WNT7A: variants seen among roughly 807,000 people sequenced by gnomAD.
WNT7A encodes the protein protein Wnt-7a.
WNT7A carries 16 observed loss-of-function variants against 28.2 expected under a neutral mutation model. The ratio of observed to expected loss-of-function variants is 0.57; its 90% confidence interval spans 0.38 to 0.86. The LOEUF (loss-of-function observed/expected upper bound fraction) is 0.86. WNT7A is among the 40% of genes least tolerant of loss of function. The pLI is 0.00. For synonymous variants in WNT7A, 190 were observed against 195.9 expected, an observed-to-expected ratio of 0.97 and a Z score of 0.25; for missense variants, 411 against 489.7, an observed-to-expected ratio of 0.84 and a Z score of 1.52.
chr3:13,846,294 G>A (rs1201554376), intron 3 of WNT7A, among the ~76,000 whole-genome samples: 1 of 152,214 alleles, frequency 6.6e-6, no homozygotes, highest in Non-Finnish European at 1.5e-5. Flanking sequence ...TTAACATCTT[G>A]GAATCACAGG....
In WNT7A at chr3:13,833,359, C is replaced by T. The variant is rs531433782; in HGVS notation, c.571-13936G>A. Among the ~76,000 whole-genome samples, 7 of 152,292 alleles carry T rather than the reference C, an allele frequency of 4.6e-5. No individual in the cohort carries two copies. The East Asian group carries it at 1.2e-3, about 25-fold the overall frequency. On this transcript the variant is annotated intron_variant, in intron 3 of 3. Coordinates refer to ENST00000285018, the MANE Select transcript of WNT7A (RefSeq NM_004625.4). ...CACACAGTCCTGCCCACATACTTCC[C>T]GGCACACAAGCGCACACACACACAC...
chr3:13,818,703 G>C lies in WNT7A; in HGVS notation c.*241C>G. On this transcript the variant is annotated 3_prime_UTR_variant, in exon 4 of 4. Transcript: ENST00000285018. ...TCCTGCTGCAGAAGGCTTCGCTCCA[G>C]CCGCGGAGGGACCTGGGCTGTGTCT... 1 of 446,906 alleles carries C rather than the reference G, an allele frequency of 2.2e-6. No homozygotes were observed. Among genetic ancestry groups the C allele is most frequent in the Non-Finnish European group, 3.7e-6 (1 of 267,934 alleles). The allele number at this position is 446,906 out of a possible 1,614,324, so 27.7% of individuals were successfully genotyped here.
chr3:13,853,906 G>C (rs1694682145), intron 3 of WNT7A, among the ~76,000 whole-genome samples: 1 of 152,196 alleles, frequency 6.6e-6, no homozygotes, highest in South Asian at 2.1e-4. Flanking sequence ...GAGGGAGCCT[G>C]GGACCTGGGA....
In WNT7A at chr3:13,861,214, A is replaced by G. The variant is rs532138643; in HGVS notation, c.299-6411T>C. ...TGAGTGAACCCTGGGCTTGGCCACC[A>G]TGGCCTGTGTGCCCTCCAGGATCAG... On this transcript the variant is annotated intron_variant, in intron 2 of 3. Transcript: ENST00000285018. Among the ~76,000 whole-genome samples the G allele has an allele frequency of 3.3e-5, 5 of 152,328 alleles. No individual in the cohort carries two copies. The South Asian group carries it at 1.0e-3, about 32-fold the overall frequency.
At chr3:13,819,445 A>G in intron 3 of WNT7A, 22 bp from the exon 4 acceptor site, 1 of 1,608,744 alleles carries the variant, frequency 6.2e-7, no homozygotes, top group Non-Finnish European at 8.5e-7. Context: ...GGCGGGGAAG[A>G]GCACAGCACA....
intron 2 of WNT7A, among the ~76,000 whole-genome samples, chr3:13,856,893 A>AAAGAAGAAGAAGAAGAAGAAGAAGAAG (rs775537679): frequency 1.4e-5 from 1 of 73,290 alleles, no homozygotes. Context: ...AGAAGAAGAA[A>AAAGAAGAAGAAGAAGAAGAAGAAGAAG]AAGAAGAAGA....
chr3:13,854,419 C>T (rs1301171543), intron 3 of WNT7A, 113 bp downstream of exon 3: 8 of 1,560,478 alleles, frequency 5.1e-6, no homozygotes, highest in Non-Finnish European at 7.0e-6. Flanking sequence ...CAGAATGAGG[C>T]TGAGGGCAGA....
intron 3 of WNT7A, among the ~76,000 whole-genome samples, chr3:13,824,140 A>G (rs545478576): frequency 6.6e-6 from 1 of 152,328 alleles, no homozygotes; most frequent in South Asian, 2.1e-4. Flanking sequence ...AAAGTGTACA[A>G]TTCAATGGTT....
At chr3:13,856,975 A>AAGAAGGAGAAGG (rs1174632547) in intron 2 of WNT7A, among the ~76,000 whole-genome samples, 6,056 of 94,736 alleles carry the variant, frequency 0.064, 346 homozygotes, top group Middle Eastern at 0.1. Context: ...GAAGGAGAAG[A>AAGAAGGAGAAGG]AGAAGAAGAA....
intron 2 of WNT7A, among the ~76,000 whole-genome samples, chr3:13,870,796 C>T (rs979344747): frequency 5.9e-5 from 9 of 152,194 alleles, no homozygotes; most frequent in East Asian, 1.9e-4. Flanking sequence ...CTGGGGTTGC[C>T]GGATGCCAAC....
chr3:13,838,692 A>G (rs1694408520), intron 3 of WNT7A, among the ~76,000 whole-genome samples: 1 of 152,198 alleles, frequency 6.6e-6, no homozygotes, highest in Non-Finnish European at 1.5e-5. Flanking sequence ...AAGAATGCCA[A>G]CTGGCTTAGG....
chr3:13,870,708 C>A (rs1695015106), intron 2 of WNT7A, among the ~76,000 whole-genome samples: 1 of 152,240 alleles, frequency 6.6e-6, no homozygotes, highest in African/African-American at 2.4e-5. Flanking sequence ...AAGGCCAATG[C>A]TCTTTCTGGG....
chr3:13,848,466 G>A (rs1694575598), intron 3 of WNT7A, among the ~76,000 whole-genome samples: 1 of 152,178 alleles, frequency 6.6e-6, no homozygotes, highest in African/African-American at 2.4e-5. Flanking sequence ...TGGCAAATAA[G>A]CATATGAAAA....
intron 3 of WNT7A, among the ~76,000 whole-genome samples, chr3:13,844,842 T>C (rs957968582): frequency 1.3e-5 from 2 of 152,000 alleles, no homozygotes; most frequent in Non-Finnish European, 2.9e-5. Context: ...GAACACCTAG[T>C]TTCTCCTTCC....
chr3:13,849,174 T>C (rs1694589436), intron 3 of WNT7A, among the ~76,000 whole-genome samples: 1 of 152,198 alleles, frequency 6.6e-6, no homozygotes, highest in African/African-American at 2.4e-5. Flanking sequence ...ATCAGCATCC[T>C]AGTTGTGACC....
At chr3:13,873,953 AGG>A (rs770443768) in intron 2 of WNT7A, among the ~76,000 whole-genome samples, 5 of 152,318 alleles carry the variant, frequency 3.3e-5, no homozygotes, top group Non-Finnish European at 5.9e-5. Context: ...AAGCCTCCAG[AGG>A]GGTTTAAGCA....
intron 3 of WNT7A, among the ~76,000 whole-genome samples, chr3:13,829,552 G>A (rs928195212): frequency 6.6e-5 from 10 of 152,198 alleles, no homozygotes; most frequent in African/African-American, 2.4e-4. Flanking sequence ...GGAGAGCGGC[G>A]CTGTGGGGCG....
rs111289053 is a variant in WNT7A, at chr3:13,836,873, A to G, written c.571-17450T>C. Among the ~76,000 whole-genome samples the G allele has an allele frequency of 7.0e-3, 1,063 of 152,216 alleles. 10 individuals are homozygous for G. The highest frequency in any genetic ancestry group is 0.024 in the African/African-American group (990 of 41,524). On this transcript the variant is annotated intron_variant, in intron 3 of 3. Transcript: ENST00000285018. The stretch of plus-strand genomic sequence containing the variant: ...GCCCTGGGGCTGGAAAAACCAAGGG[A>G]GCGGGTGTGGGTGCAGAAGAGAAGC...
intron 1 of WNT7A, among the ~76,000 whole-genome samples, chr3:13,877,690 A>G (rs1695130329): frequency 6.9e-6 from 1 of 145,546 alleles, no homozygotes; most frequent in South Asian, 2.1e-4. Context: ...ATTGATAACT[A>G]GTCCCCACCT....
Sources: gnomAD v4.1 joint callset for allele counts (sites outside exome capture counted in the v4.1 genomes callset) on GRCh38, gnomAD v4.1.1 for gene constraint, MANE v1.5 for transcripts, NCBI Gene and HGNC (gene_info 2026-07-23, HGNC 2026-07-21) for gene names.